MAP7: variants seen among roughly 807,000 people sequenced by gnomAD.
MAP7 encodes microtubule associated protein 7, also known as ensconsin.
Under a neutral mutation model 94.8 loss-of-function variants are expected in MAP7, and 52 were observed. The ratio of observed to expected loss-of-function variants is 0.55; its 90% CI spans 0.44 to 0.69. The LOEUF is 0.69. MAP7 is among the 30% of genes least tolerant of loss of function. The pLI is 0.00. For synonymous variants in MAP7, 350 were observed against 357.0 expected (o/e 0.98, Z 0.22); for missense variants, 940 against 964.6 (o/e 0.97, Z 0.34).
intron 1 of MAP7, among the ~76,000 whole-genome samples, chr6:136,456,124 G>GTGC (rs1802779034): frequency 6.6e-6 from 1 of 152,134 alleles, no homozygotes; most frequent in Non-Finnish European, 1.5e-5. Flanking sequence ...TCATAGCTGT[G>GTGC]TGCTCCCAAG....
chr6:136,370,824 A>G (rs7750613), intron 8 of MAP7, among the ~76,000 whole-genome samples: 112,935 of 151,910 alleles, frequency 0.74, 43,011 homozygotes, highest in Middle Eastern at 0.85. Flanking sequence ...AAAGTTCTGG[A>G]CATTGGTTGC....
At position 136,534,986 on chromosome 6, in the gene MAP7, G is replaced by A. The variant is rs1009879356; in HGVS notation, c.67+15356C>T. On this transcript the variant is annotated intron_variant, in intron 1 of 17. Coordinates refer to ENST00000354570, the MANE Select transcript of MAP7 (RefSeq NM_003980.6). ...ATAAAACGCTTTTCATGAGAAAAGCGTATGAAGGTTTGAGGCATTAAACTT... is the reference window on the plus strand; with the variant it reads ...ATAAAACGCTTTTCATGAGAAAAGCATATGAAGGTTTGAGGCATTAAACTT... Among the ~76,000 whole-genome samples the A allele has an allele frequency of 5.3e-5, 8 of 150,602 alleles. 1 individual carries two copies. The South Asian group carries it at 8.3e-4, about 16-fold the overall frequency.
chr6:136,545,843 G>A (rs989023095), intron 1 of MAP7, among the ~76,000 whole-genome samples: 32 of 151,990 alleles, frequency 2.1e-4, no homozygotes, highest in African/African-American at 7.5e-4. Flanking sequence ...GGCATGCAAT[G>A]TGAAATAATT....
chr6:136,472,721 T>C (rs1809448557), intron 1 of MAP7, among the ~76,000 whole-genome samples: 1 of 152,102 alleles, frequency 6.6e-6, no homozygotes, highest in Admixed American at 6.5e-5. Flanking sequence ...CTAATTTGCA[T>C]ACAGCCTACT....
chr6:136,419,463 C>T (rs569225977), intron 2 of MAP7, among the ~76,000 whole-genome samples: 1 of 152,262 alleles, frequency 6.6e-6, no homozygotes, highest in South Asian at 2.1e-4. Flanking sequence ...TGGCTCAGCA[C>T]AGGGCCTGAC....
chr6:136,524,071 C>A lies in MAP7; in HGVS notation c.67+26271G>T, dbSNP rs990506335. On this transcript the variant is annotated intron_variant, in intron 1 of 17. Coordinates refer to ENST00000354570, the MANE Select transcript of MAP7 (RefSeq NM_003980.6). ...CTGGCCAATAATGGTGAAACCCCGT[C>A]TCTACTAAAAATACAAAAAAAAAGT... Among the ~76,000 whole-genome samples, 69 of 151,842 alleles carry A rather than the reference C, an allele frequency of 4.5e-4. 1 individual carries two copies. Among genetic ancestry groups the A allele is most frequent in the African/African-American group, 1.5e-3 (62 of 41,292 alleles).
chr6:136,492,344 C>T (rs1462433578), intron 1 of MAP7, among the ~76,000 whole-genome samples: 2 of 152,272 alleles, frequency 1.3e-5, no homozygotes, highest in East Asian at 1.9e-4. Flanking sequence ...TTTACAGTGA[C>T]TATTAAGTAT....
chr6:136,454,805 G>A (rs1802372362), intron 1 of MAP7, among the ~76,000 whole-genome samples: 2 of 152,042 alleles, frequency 1.3e-5, no homozygotes, highest in Admixed American at 6.5e-5. Flanking sequence ...AGGCTGATAT[G>A]GGAGGATGGC....
rs151275790 is a variant in MAP7, at chr6:136,400,262, A to G, written c.245-10745T>C. Among the ~76,000 whole-genome samples the G allele has an allele frequency of 4.4e-3, 668 of 152,148 alleles. 5 individuals are homozygous for G. The highest frequency in any genetic ancestry group is 0.015 in the African/African-American group (637 of 41,508). ...AAACCCTGTCTCTACTGAAAATACA[A>G]AAAATTAGCCAGGCGTGGTGGTGGG... On this transcript the variant is annotated intron_variant, in intron 3 of 17. Transcript: ENST00000354570.
chr6:136,457,388 A>G (rs1803667692), intron 1 of MAP7, among the ~76,000 whole-genome samples: 1 of 152,120 alleles, frequency 6.6e-6, no homozygotes, highest in Non-Finnish European at 1.5e-5. Context: ...AATTCCACCA[A>G]ACATTTAAAG....
At chr6:136,466,715 G>T in intron 1 of MAP7, 2 of 1,518,802 alleles carry the variant, frequency 1.3e-6, no homozygotes, top group East Asian at 2.5e-5. Context: ...ATTCTTGAAC[G>T]TCCTTATTAA....
At chr6:136,518,840 T>C (rs1017258984) in intron 1 of MAP7, among the ~76,000 whole-genome samples, 3 of 152,242 alleles carry the variant, frequency 2.0e-5, no homozygotes, top group African/African-American at 7.2e-5. Flanking sequence ...TGGGAGGCTC[T>C]AAGTAAACAC....
At chr6:136,375,052 TA>T (rs1775691491) in intron 7 of MAP7, among the ~76,000 whole-genome samples, 1 of 152,292 alleles carries the variant, frequency 6.6e-6, no homozygotes, top group African/African-American at 2.4e-5. Context: ...CTCTTGGTGG[TA>T]AGTATGCATT....
At chr6:136,412,889 G>A (rs555210955) in intron 2 of MAP7, among the ~76,000 whole-genome samples, 3 of 152,236 alleles carry the variant, frequency 2.0e-5, no homozygotes, top group South Asian at 2.1e-4. Context: ...GGCCAGGTGC[G>A]GTGGCTCACA....
At chr6:136,428,034 A>ATAGT (rs1793717215) in intron 1 of MAP7, among the ~76,000 whole-genome samples, 1 of 152,260 alleles carries the variant, frequency 6.6e-6, no homozygotes, top group Non-Finnish European at 1.5e-5. Flanking sequence ...AACATGGTGT[A>ATAGT]TAGTTATATG....
chr6:136,458,950 G>A (rs888157359), intron 1 of MAP7, among the ~76,000 whole-genome samples: 1 of 152,018 alleles, frequency 6.6e-6, no homozygotes, highest in Non-Finnish European at 1.5e-5. Context: ...AATCAACAGA[G>A]TAAAAAGGCA....
chr6:136,365,648 G>A, intron 10 of MAP7, 87 bp downstream of exon 10: 1 of 1,424,000 alleles, frequency 7.0e-7, no homozygotes, highest in African/African-American at 1.4e-5. Flanking sequence ...TCCAATAAAA[G>A]AAGAAAAGGA....
chr6:136,350,036 T>C (rs1788724322), intron 16 of MAP7, among the ~76,000 whole-genome samples: 1 of 152,200 alleles, frequency 6.6e-6, no homozygotes. Context: ...ATATATTAGG[T>C]ACTAAAGACA....
At chr6:136,447,209 C>T (rs904508115) in intron 1 of MAP7, among the ~76,000 whole-genome samples, 5 of 152,224 alleles carry the variant, frequency 3.3e-5, no homozygotes, top group African/African-American at 1.2e-4. Flanking sequence ...GCTGAGGTCA[C>T]ATCTGAACAC....
Sources: gnomAD v4.1 joint callset for allele counts (sites outside exome capture counted in the v4.1 genomes callset) on GRCh38, gnomAD v4.1.1 for gene constraint, MANE v1.5 for transcripts, NCBI Gene and HGNC (gene_info 2026-07-23, HGNC 2026-07-21) for gene names.